Variants in TACR2 observed in about 807,000 individuals in gnomAD.
The protein encoded by TACR2 is tachykinin receptor 2.
A neutral mutation model predicts 28.9 loss-of-function variants in TACR2; 24 were observed. That is an observed-to-expected ratio of 0.83 (90% CI 0.60 to 1.17). The LOEUF is 1.17. Ranked by LOEUF, TACR2 falls within the 50% of genes most tolerant of loss-of-function variation. The probability of loss-of-function intolerance (pLI) is 0.00; values close to 1 mark genes in which losing one functional copy is unlikely to be tolerated. For synonymous variants in TACR2, 222 were observed against 212.6 expected (o/e 1.04, Z -0.38); for missense variants, 487 against 524.4 (o/e 0.93, Z 0.70).
intron 3 of TACR2, among the ~76,000 whole-genome samples, chr10:69,408,718 T>G (rs1371693110): frequency 6.6e-6 from 1 of 152,088 alleles, no homozygotes; most frequent in African/African-American, 2.4e-5. Flanking sequence ...TCCGCAAGCT[T>G]CTCCCGGGCG....
intron 2 of TACR2, among the ~76,000 whole-genome samples, chr10:69,410,842 T>A (rs1840564453): frequency 6.6e-6 from 1 of 152,226 alleles, no homozygotes; most frequent in Non-Finnish European, 1.5e-5. Flanking sequence ...GAGGGCTGCC[T>A]TTGGTTGTCT....
At chr10:69,409,180 C>T (rs1840538048) in intron 2 of TACR2, 105 bp from the exon 3 acceptor site, 2 of 1,241,248 alleles carry the variant, frequency 1.6e-6, no homozygotes, top group African/African-American at 1.6e-5. Context: ...GCCGCCCCTG[C>T]GGGCCCACCC....
At chr10:69,414,869 G>T in intron 2 of TACR2, 76 bp downstream of exon 2, 1 of 1,474,788 alleles carries the variant, frequency 6.8e-7, no homozygotes, top group Non-Finnish European at 9.2e-7. Flanking sequence ...ATGGATGCAT[G>T]CACGCGTGTG....
intron 4 of TACR2, among the ~76,000 whole-genome samples, chr10:69,406,259 G>A (rs962070650): frequency 4.6e-5 from 7 of 152,110 alleles, no homozygotes; most frequent in African/African-American, 1.4e-4. Flanking sequence ...ACCTCTTGCC[G>A]CCCCTTATTT....
intron 2 of TACR2, among the ~76,000 whole-genome samples, chr10:69,414,431 G>C (rs763935626): frequency 6.6e-6 from 1 of 152,184 alleles, no homozygotes; most frequent in East Asian, 1.9e-4. Context: ...AATGGGTGCC[G>C]CATGTTCACG....
chr10:69,405,820 A>T (rs537835870), intron 4 of TACR2, among the ~76,000 whole-genome samples: 15 of 152,294 alleles, frequency 9.8e-5, no homozygotes, highest in African/African-American at 3.6e-4. Flanking sequence ...CCCCTCCCAG[A>T]TGTCAGAGTC....
intron 3 of TACR2, 31 bp downstream of exon 3, chr10:69,408,890 CG>C: frequency 4.1e-5 from 7 of 171,342 alleles, no homozygotes; most frequent in South Asian, 2.8e-4. Flanking sequence ...CTCCAGGCCC[CG>C]CCCCCTCCAG....
chr10:69,411,177 C>T (rs988830136), intron 2 of TACR2, among the ~76,000 whole-genome samples: 3 of 152,178 alleles, frequency 2.0e-5, no homozygotes, highest in African/African-American at 7.2e-5. Context: ...TTCTACCTGC[C>T]ACATGCTAGG....
intron 1 of TACR2, among the ~76,000 whole-genome samples, chr10:69,415,488 T>C (rs1034345389): frequency 2.0e-5 from 3 of 152,238 alleles, no homozygotes; most frequent in Non-Finnish European, 4.4e-5. Flanking sequence ...CTGAGCAGCG[T>C]TGGGAAAATA....
chr10:69,415,201 T>C (rs1372114961), intron 1 of TACR2, 62 bp from the exon 2 acceptor site: 2 of 1,532,678 alleles, frequency 1.3e-6, no homozygotes, highest in East Asian at 4.6e-5. Context: ...CCCTTTCCCC[T>C]GTCTCCCTCT....
At chr10:69,410,510 G>A (rs1298116033) in intron 2 of TACR2, among the ~76,000 whole-genome samples, 1 of 134,496 alleles carries the variant, frequency 7.4e-6, no homozygotes, top group Non-Finnish European at 1.6e-5. Flanking sequence ...GATAGAGTGA[G>A]ACCCTGTCAA....
intron 2 of TACR2, among the ~76,000 whole-genome samples, chr10:69,411,115 T>C (rs1486471245): frequency 2.0e-5 from 3 of 152,196 alleles, no homozygotes; most frequent in Non-Finnish European, 4.4e-5. Context: ...GGTCCCGTCA[T>C]TTGACTTTTT....
At position 69,404,895 on chromosome 10, in the gene TACR2, G is replaced by A. The variant is rs2229171; in HGVS notation, c.1128C>T (p.Pro376=). The change falls in exon 5 of 5, where the codon CCC becomes CCT. Residue 376 remains proline, a synonymous_variant. Coordinates refer to ENST00000373306, the MANE Select transcript of TACR2 (RefSeq NM_001057.3). ...CAAACCATAGCCCTGATCCATCCTG[G>A]GGACGCCCCGCCTCCCCACTGGTAG... The part of the protein sequence containing the change: ...SEATSGEAGR[P]QDGSGLWFGY... 2,540 of 1,613,560 alleles carry A rather than the reference G, an allele frequency of 1.6e-3. 30 individuals carry two copies. In the African/African-American group the frequency reaches 0.029, roughly 19 times the overall value.
At chr10:69,415,817 G>T (rs908608525) in intron 1 of TACR2, 115 bp downstream of exon 1, 3 of 1,267,604 alleles carry the variant, frequency 2.4e-6, no homozygotes, top group African/African-American at 3.0e-5. Context: ...GATTTGGGAA[G>T]CCATTCCCAT....
At chr10:69,405,464 C>T (rs1840494109) in intron 4 of TACR2, among the ~76,000 whole-genome samples, 1 of 152,212 alleles carries the variant, frequency 6.6e-6, no homozygotes, top group South Asian at 2.1e-4. Flanking sequence ...AAAGAAGAAC[C>T]TGCTAAAACA....
chr10:69,408,789 G>GGGCCCC, intron 3 of TACR2, 133 bp downstream of exon 3: 1 of 143,948 alleles, frequency 6.9e-6, no homozygotes, highest in Non-Finnish European at 1.3e-5. Context: ...GTCAGGCCCC[G>GGGCCCC]TCCCGCCCCC....
intron 2 of TACR2, among the ~76,000 whole-genome samples, chr10:69,409,882 C>CGTATATACATATATATATAT (rs1840548250): frequency 8.8e-6 from 1 of 113,186 alleles, no homozygotes; most frequent in East Asian, 3.2e-4. Context: ...TATATATATA[C>CGTATATACATATATATATAT]ATATATACAT....
In TACR2 at chr10:69,416,362, G is replaced by A. The variant is rs199765082; in HGVS notation, c.-39C>T. The A allele has an allele frequency of 3.4e-5, 52 of 1,539,734 alleles. No homozygotes were observed. The highest frequency in any genetic ancestry group is 4.3e-5 in the Non-Finnish European group (49 of 1,141,930). ...TCTGGAACAAAGGACCTGGCTCCTC[G>A]GCTCCTCTCGGATTTGCTATGAAAG... On this transcript the variant is annotated 5_prime_UTR_variant, in exon 1 of 5. Transcript: ENST00000373306.
At chr10:69,412,645 G>C (rs1325810509) in intron 2 of TACR2, among the ~76,000 whole-genome samples, 1 of 152,162 alleles carries the variant, frequency 6.6e-6, no homozygotes, top group Non-Finnish European at 1.5e-5. Flanking sequence ...CATGATCTTA[G>C]GCAAGTCAGG....
Sources: gnomAD v4.1 joint callset for allele counts (sites outside exome capture counted in the v4.1 genomes callset) on GRCh38, gnomAD v4.1.1 for gene constraint, MANE v1.5 for transcripts, NCBI Gene and HGNC (gene_info 2026-07-23, HGNC 2026-07-21) for gene names.